SLCO3A1: variants seen among roughly 807,000 people sequenced by gnomAD.
SLCO3A1 encodes solute carrier organic anion transporter family member 3A1, also known as PGE1 transporter.
In SLCO3A1, 27 loss-of-function variants were observed where a neutral mutation model predicts 63.1. The observed-to-expected ratio is 0.43, with a 90% confidence interval of 0.32 to 0.59. The LOEUF is 0.59. Ranked by LOEUF, SLCO3A1 falls within the 20% of genes least tolerant of loss-of-function variation. The probability of loss-of-function intolerance (pLI) is 0.09; values close to 1 mark genes in which losing one functional copy is unlikely to be tolerated. For missense variants in SLCO3A1, 773 were observed against 945.8 expected, an observed-to-expected ratio of 0.82 and a Z score of 2.40; for synonymous variants, 473 against 409.9, an observed-to-expected ratio of 1.15 and a Z score of -1.86.
rs575530451 is a variant in SLCO3A1, at chr15:91,885,771, A to G, written c.181-30222A>G. ...CCCCTCCCCTATTTTTATGGCTGCT[A>G]ACAAATCGGCTGGACCTTTCTCTAA... On this transcript the variant is annotated intron_variant, in intron 1 of 9. Transcript: ENST00000318445. This position sits in a 1 kb window ranked among gnomAD's most constrained non-coding sequence, Gnocchi z 4.7. Among the ~76,000 whole-genome samples, 9 of 152,344 alleles carry G rather than the reference A, an allele frequency of 5.9e-5. No individual in the cohort carries two copies. Among genetic ancestry groups the G allele is most frequent in the African/African-American group, 2.2e-4 (9 of 41,572 alleles).
intron 7 of SLCO3A1, among the ~76,000 whole-genome samples, chr15:92,143,177 C>T (rs764049308): frequency 3.4e-5 from 5 of 148,446 alleles, no homozygotes; most frequent in South Asian, 2.1e-4. Context: ...TTTTCATTTA[C>T]GCCTAACTAC....
At position 92,132,517 on chromosome 15, in the gene SLCO3A1, A is replaced by T. The variant is rs183799449; in HGVS notation, c.1512+4028A>T. Among the ~76,000 whole-genome samples the T allele has an allele frequency of 3.3e-4, 47 of 144,466 alleles. 2 individuals are homozygous for T. The East Asian group carries it at 7.0e-3, about 22-fold the overall frequency. 94.8% of individuals were successfully genotyped at this position (144,466 alleles called of 152,430 possible). A position where few individuals can be genotyped will look rare whatever the true frequency, so the allele number is the denominator to read the frequency against. On this transcript the variant is annotated intron_variant, in intron 7 of 9. Coordinates refer to ENST00000318445, the MANE Select transcript of SLCO3A1 (RefSeq NM_013272.4). ...AATATATGGTCCAGATTGTTTCTGT[A>T]CCTTTCACTTTCAGAAGTAATTATT... is the stretch of plus-strand genomic sequence containing the variant.
In SLCO3A1 at chr15:91,859,594, A is replaced by G. The variant is rs1897001706; in HGVS notation, c.180+5506A>G. Among the ~76,000 whole-genome samples, 1 of 152,166 alleles carries G rather than the reference A, an allele frequency of 6.6e-6. No homozygotes were observed. The highest frequency in any genetic ancestry group is 2.4e-5 in the African/African-American group (1 of 41,448). On this transcript the variant is annotated intron_variant, in intron 1 of 9. Transcript: ENST00000318445. The surrounding 1 kb of genome is among the most constrained non-coding windows in gnomAD (Gnocchi z 5.1). ...TGTTAGAAGACTGGGATTCATGCCT[A>G]TGTCCTCCCCTTACCTGCTCTGTGA...
At chr15:92,087,516 ATTT>A (rs34074469) in intron 2 of SLCO3A1, among the ~76,000 whole-genome samples, 35 of 121,730 alleles carry the variant, frequency 2.9e-4, no homozygotes, top group East Asian at 9.2e-4. Flanking sequence ...ATTATCTATT[ATTT>A]TTTTTTTTTT....
At chr15:91,940,542 G>A (rs1899584352) in intron 2 of SLCO3A1, among the ~76,000 whole-genome samples, 1 of 152,194 alleles carries the variant, frequency 6.6e-6, no homozygotes, top group Non-Finnish European at 1.5e-5. Flanking sequence ...TCAAATCAGT[G>A]CTTAAACTGA....
intron 2 of SLCO3A1, among the ~76,000 whole-genome samples, chr15:92,037,811 T>A (rs931178825): frequency 6.6e-6 from 1 of 152,216 alleles, no homozygotes; most frequent in Non-Finnish European, 1.5e-5. Context: ...CAGCTGGTTT[T>A]TAATTTTTTA....
intron 2 of SLCO3A1, among the ~76,000 whole-genome samples, chr15:91,928,569 A>G (rs1440552573): frequency 6.6e-6 from 1 of 152,228 alleles, no homozygotes; most frequent in Non-Finnish European, 1.5e-5. Context: ...CACACTAAGT[A>G]TGAAAAGTGA....
Position 92,147,172 on chromosome 15 carries a change from C to T in SLCO3A1, c.1688+13C>T. 1.2e-6 allele frequency: 2 copies of T among 1,600,852 alleles called. No homozygotes were observed. The highest frequency in any genetic ancestry group is 1.1e-5 in the South Asian group (1 of 88,848). ...TCATCCTCATCAGGTAAGCCCTCGG[C>T]ACAGCCCCGCCTCTCCTCCTTTCCA... On this transcript the variant is annotated intron_variant, in intron 8 of 9. Transcript: ENST00000318445.
intron 2 of SLCO3A1, among the ~76,000 whole-genome samples, chr15:92,060,112 A>C (rs1379289034): frequency 6.6e-6 from 1 of 152,192 alleles, no homozygotes; most frequent in East Asian, 1.9e-4. Flanking sequence ...TATAGAGGGC[A>C]CTTACCATGA....
intron 2 of SLCO3A1, among the ~76,000 whole-genome samples, chr15:91,990,792 A>C (rs532239152): frequency 3.3e-5 from 5 of 152,172 alleles, no homozygotes; most frequent in Admixed American, 2.0e-4. Context: ...GCCATCCCCC[A>C]TTCTAGAATA....
chr15:91,981,151 C>T (rs1016385820), intron 2 of SLCO3A1, among the ~76,000 whole-genome samples: 4 of 152,138 alleles, frequency 2.6e-5, no homozygotes, highest in Non-Finnish European at 5.9e-5. Context: ...AGGGCAGTGG[C>T]CAGGCTGGGG....
intron 2 of SLCO3A1, among the ~76,000 whole-genome samples, chr15:91,957,341 A>G (rs1196536610): frequency 6.7e-6 from 1 of 149,494 alleles, no homozygotes; most frequent in Non-Finnish European, 1.5e-5. Context: ...TGTGGTCTCA[A>G]AAGTACAGGG....
At chr15:92,030,125 A>G (rs2046628435) in intron 2 of SLCO3A1, among the ~76,000 whole-genome samples, 1 of 152,226 alleles carries the variant, frequency 6.6e-6, no homozygotes, top group African/African-American at 2.4e-5. Flanking sequence ...GTTTGGCTTA[A>G]AATTGAATGC....
At chr15:91,962,772 G>C (rs55971738) in intron 2 of SLCO3A1, among the ~76,000 whole-genome samples, 9,097 of 152,062 alleles carry the variant, frequency 0.06, 399 homozygotes, top group Non-Finnish European at 0.091. Context: ...GAGGGTCCTC[G>C]GGCTGCTTAC....
rs1410214313 is a variant in SLCO3A1, at chr15:91,942,948, C to T, written c.646+26490C>T. Among the ~76,000 whole-genome samples, 1 of 152,202 alleles carries T rather than the reference C, an allele frequency of 6.6e-6. No individual in the cohort carries two copies. The highest frequency in any genetic ancestry group is 2.1e-4 in the South Asian group (1 of 4,828). ...GCCCGAGTGGGCGTGGGGCCCAGGG[C>T]CCAGCCGTTTGACCTCGTTCTGCCT... On this transcript the variant is annotated intron_variant, in intron 2 of 9. Coordinates refer to ENST00000318445, the MANE Select transcript of SLCO3A1 (RefSeq NM_013272.4). This position sits in a 1 kb window ranked among gnomAD's most constrained non-coding sequence, Gnocchi z 4.1.
At chr15:92,083,823 C>A (rs796753527) in intron 2 of SLCO3A1, among the ~76,000 whole-genome samples, 1 of 152,120 alleles carries the variant, frequency 6.6e-6, no homozygotes, top group East Asian at 1.9e-4. Flanking sequence ...CTGTGGAAAG[C>A]CCTTGTGAGG....
rs1597150567 is a variant in SLCO3A1 at position 91,951,672 on chromosome 15, C to T, written c.646+35214C>T. Among the ~76,000 whole-genome samples the T allele has an allele frequency of 5.3e-5, 8 of 151,750 alleles. No homozygotes were observed. The South Asian group carries it at 1.7e-3, about 32-fold the overall frequency. ...CTGGGTTCAAGCAATTCTCCTACCT[C>T]CGCCTCCCAAGTAGTAGGGATTAAG... On this transcript the variant is annotated intron_variant, in intron 2 of 9. Transcript: ENST00000318445.
In SLCO3A1 at chr15:91,941,775, G is replaced by T. The variant is rs1414559174; in HGVS notation, c.646+25317G>T. Among the ~76,000 whole-genome samples the T allele has an allele frequency of 6.6e-6, 1 of 152,050 alleles. No individual in the cohort carries two copies. Among genetic ancestry groups the T allele is most frequent in the Non-Finnish European group, 1.5e-5 (1 of 68,000 alleles). Reference sequence around the variant, plus strand: ...AGCTTGTCTGTGTGCAACTTCATCTGAGAGCGCTCAGGCTTCCCTCTCTCC... The same window carrying T: ...AGCTTGTCTGTGTGCAACTTCATCTTAGAGCGCTCAGGCTTCCCTCTCTCC... On this transcript the variant is annotated intron_variant, in intron 2 of 9. Coordinates refer to ENST00000318445, the MANE Select transcript of SLCO3A1 (RefSeq NM_013272.4). The surrounding 1 kb of genome is among the most constrained non-coding windows in gnomAD (Gnocchi z 4.4).
Position 92,066,712 on chromosome 15 carries a change from G to A in SLCO3A1, c.647-28169G>A, listed in dbSNP as rs1025796770. ...TGAGCTGAGGAGCAAATGAGACACC[G>A]CACGGACTGTGCTCAGCCAGGGCCC... is the stretch of plus-strand genomic sequence containing the variant. On this transcript the variant is annotated intron_variant, in intron 2 of 9. Transcript: ENST00000318445. Among the ~76,000 whole-genome samples, 13 of 152,298 alleles carry A rather than the reference G, an allele frequency of 8.5e-5. No individual in the cohort carries two copies. In the South Asian group the frequency reaches 1.0e-3, roughly 12 times the overall value.
Sources: allele counts gnomAD v4.1 joint callset (sites outside exome capture counted in the v4.1 genomes callset), GRCh38; gene constraint gnomAD v4.1.1; non-coding constraint Gnocchi (gnomAD v3.1); transcripts MANE v1.5; gene names NCBI Gene and HGNC (gene_info 2026-07-23, HGNC 2026-07-21).